Variants in THBD observed in about 807,000 individuals in gnomAD.
The protein encoded by THBD is CD141 antigen.
For missense variants in THBD, 850 were observed against 816.9 expected, an observed-to-expected ratio of 1.04 and a Z score of -0.49; for synonymous variants, 449 against 374.2, an observed-to-expected ratio of 1.20 and a Z score of -2.31.
At position 23,049,317 on chromosome 20, in the gene THBD, C is replaced by G; in HGVS notation, c.188G>C (p.Arg63Pro). 6.3e-7 allele frequency: 1 copy of G among 1,599,558 alleles called. No homozygotes were observed. Among genetic ancestry groups the G allele is most frequent in the Non-Finnish European group, 8.5e-7 (1 of 1,174,608 alleles). Residue 63 changes from arginine to proline, a missense_variant, in exon 1 of 1, where the codon CGC (arginine) becomes CCC (proline). Transcript: ENST00000377103. ...DGLRGHLMTV[R>P]SSVAADVISL... ...AATGACATCGGCAGCCACCGAGGAG[C>G]GCACTGTCATTAGGTGGCCCCGCAG...
At position 23,048,413 on chromosome 20, in the gene THBD, C is replaced by G. The variant is rs73901577; in HGVS notation, c.1092G>C (p.Glu364Asp). ...NYDLVDGECVEPVDPCFRANC... is the reference protein window; with the variant it reads ...NYDLVDGECVDPVDPCFRANC... ...TGGCTCTGAAGCACGGGTCCACGGG[C>G]TCCACACACTCGCCGTCCACCAGGT... is the stretch of plus-strand genomic sequence containing the variant. The change falls in exon 1 of 1, where the codon GAG becomes GAC. Residue 364 changes from glutamate (E) to aspartate (D), a missense_variant. Coordinates refer to ENST00000377103, the MANE Select transcript of THBD (RefSeq NM_000361.3). 1 of 1,613,846 alleles carries G rather than the reference C, an allele frequency of 6.2e-7. No individual in the cohort carries two copies. The highest frequency in any genetic ancestry group is 1.3e-5 in the African/African-American group (1 of 74,916).
chr20:23,045,900 A>G lies in THBD; in HGVS notation c.*1877T>C, dbSNP rs1239057300. ...GTGCTGGGGTACAGGGCAGCCCTCCATGCATCTCATAGCATTTGCATGGTT... is the reference window on the plus strand; with the variant it reads ...GTGCTGGGGTACAGGGCAGCCCTCCGTGCATCTCATAGCATTTGCATGGTT... On this transcript the variant is annotated 3_prime_UTR_variant, in exon 1 of 1. Transcript: ENST00000377103. 1 of 152,212 alleles carries G rather than the reference A, an allele frequency of 6.6e-6. No individual in the cohort carries two copies. Among genetic ancestry groups the G allele is most frequent in the Admixed American group, 6.5e-5 (1 of 15,286 alleles). 9.4% of individuals were successfully genotyped at this position (152,212 alleles called of 1,614,324 possible).
In THBD at chr20:23,049,505, G is replaced by T; in HGVS notation, c.-1C>A. ...CGCCAAGGACCAGGACCCCAAGCAT[G>T]TTACCCAGGCGCGCCGCGTGCAGGC... On this transcript the variant is annotated 5_prime_UTR_variant, in exon 1 of 1. Transcript: ENST00000377103. The T allele has an allele frequency of 6.5e-7, 1 of 1,532,912 alleles. No homozygotes were observed. 95.0% of individuals were successfully genotyped at this position (1,532,912 alleles called of 1,614,324 possible).
In THBD at chr20:23,048,358, G is replaced by T. The variant is rs1238755005; in HGVS notation, c.1147C>A (p.Gln383Lys). The T allele has an allele frequency of 1.9e-6, 3 of 1,613,882 alleles. No individual in the cohort carries two copies. The highest frequency in any genetic ancestry group is 1.3e-5 in the African/African-American group (1 of 74,936). ...NCEYQCQPLNQTSYLCVCAEG... is the reference protein window; with the variant it reads ...NCEYQCQPLNKTSYLCVCAEG... ...GCGCAGACGCAGAGGTAGCTAGTTT[G>T]GTTCAGGGGCTGGCACTGGTACTCG... is the stretch of plus-strand genomic sequence containing the variant. Residue 383 changes from glutamine (Q) to lysine (K), a missense_variant, in exon 1 of 1, where the codon CAA (glutamine) becomes AAA (lysine). Transcript: ENST00000377103.
rs1428123748 is a variant in THBD at position 23,049,478 on chromosome 20, C to A, written c.27G>T (p.Ala9=). 3 of 1,541,436 alleles carry A rather than the reference C, an allele frequency of 1.9e-6. No homozygotes were observed. The highest frequency in any genetic ancestry group is 2.5e-5 in the East Asian group (1 of 40,808). MLGVLVLG[A]LALAGLGFPA... is the part of the protein sequence containing the mutation. ...GGAACCCCAGGCCGGCCAGGGCCAG[C>A]GCGCCAAGGACCAGGACCCCAAGCA... is the stretch of plus-strand genomic sequence containing the variant. The change falls in exon 1 of 1, where the codon GCG becomes GCT. Residue 9 remains alanine, a synonymous_variant. Transcript: ENST00000377103.
In THBD at chr20:23,049,554, G is replaced by A. The variant is rs1266982328; in HGVS notation, c.-50C>T. On this transcript the variant is annotated 5_prime_UTR_variant, in exon 1 of 1. Transcript: ENST00000377103. ...GCGCCGGGGAAAGCGCGGGCACTGC[G>A]ACAGGGCCGTGCCGGAGCAGAGGGG... is the stretch of plus-strand genomic sequence containing the variant. 5 of 1,536,636 alleles carry A rather than the reference G, an allele frequency of 3.3e-6. No homozygotes were observed. Among genetic ancestry groups the A allele is most frequent in the Admixed American group, 2.0e-5 (1 of 50,426 alleles).
chr20:23,047,820 A>G lies in THBD; in HGVS notation c.1685T>C (p.Val562Ala). The G allele has an allele frequency of 1.3e-6, 2 of 1,599,236 alleles. No homozygotes were observed. The highest frequency in any genetic ancestry group is 1.7e-6 in the Non-Finnish European group (2 of 1,173,340). The change falls in exon 1 of 1, where the codon GTG (valine) becomes GCG (alanine). Residue 562 changes from valine to alanine, a missense_variant. Val to Ala is a moderately conservative substitution (Grantham distance 64). Transcript: ENST00000377103. ...CCGCTCGGTCCGCACGTGCTGCAGCACTACCTCCTTGGAAGGGGCCGCGCA... is the reference window on the plus strand; with the variant it reads ...CCGCTCGGTCCGCACGTGCTGCAGCGCTACCTCCTTGGAAGGGGCCGCGCA... The part of the protein sequence containing the change: ...YKCAAPSKEV[V>A]LQHVRTERTP...
In THBD at chr20:23,046,978, A is replaced by C. The variant is rs1442850992; in HGVS notation, c.*799T>G. ...TTTCTATGACAGTCCAGCAACATCAATTTAATACCTTTTACATCTCAACCT... is the reference window on the plus strand; with the variant it reads ...TTTCTATGACAGTCCAGCAACATCACTTTAATACCTTTTACATCTCAACCT... On this transcript the variant is annotated 3_prime_UTR_variant, in exon 1 of 1. Coordinates refer to ENST00000377103, the MANE Select transcript of THBD (RefSeq NM_000361.3). 1 of 152,250 alleles carries C rather than the reference A, an allele frequency of 6.6e-6. No individual in the cohort carries two copies. Among genetic ancestry groups the C allele is most frequent in the Non-Finnish European group, 1.5e-5 (1 of 68,040 alleles). 9.4% of individuals were successfully genotyped at this position (152,250 alleles called of 1,614,324 possible).
In THBD at chr20:23,046,361, A is replaced by G. The variant is rs762331942; in HGVS notation, c.*1416T>C. 1 of 152,262 alleles carries G rather than the reference A, an allele frequency of 6.6e-6. No individual in the cohort carries two copies. Among genetic ancestry groups the G allele is most frequent in the Non-Finnish European group, 1.5e-5 (1 of 68,030 alleles). The allele number at this position is 152,262 out of a possible 1,614,324, so 9.4% of individuals were successfully genotyped here. ...CTTATAACTGATCTATATTTCATGT[A>G]TTCCAGAAAATTGGAAGCAGTCTGG... On this transcript the variant is annotated 3_prime_UTR_variant, in exon 1 of 1. Transcript: ENST00000377103.
rs779024516 is a variant in THBD, at chr20:23,049,253, C to A, written c.252G>T (p.Arg84=). 1.3e-6 allele frequency: 2 copies of A among 1,544,754 alleles called. No homozygotes were observed. Among genetic ancestry groups the A allele is most frequent in the Non-Finnish European group, 1.7e-6 (2 of 1,147,984 alleles). ...LLNGDGGVGR[R]RLWIGLQLPP... ...GCAGCTGCAGGCCGATCCAGAGGCG[C>A]CGGCGGCCAACGCCGCCGTCGCCGT... is the stretch of plus-strand genomic sequence containing the variant. The change falls in exon 1 of 1, where the codon CGG becomes CGT. Residue 84 remains arginine (R), a synonymous_variant. Coordinates refer to ENST00000377103, the MANE Select transcript of THBD (RefSeq NM_000361.3).
In THBD at chr20:23,048,740, C is replaced by T; in HGVS notation, c.765G>A (p.Ala255=). ...GGGGAGCCCCAGGGATCGCATTGCACGCGTGCTCGCAGCCGCCGTTCTCCA... is the reference window on the plus strand; with the variant it reads ...GGGGAGCCCCAGGGATCGCATTGCATGCGTGCTCGCAGCCGCCGTTCTCCA... The part of the protein sequence containing the change: ...CSVENGGCEH[A]CNAIPGAPRC... The change falls in exon 1 of 1, where the codon GCG becomes GCA. Residue 255 remains alanine, a synonymous_variant. Coordinates refer to ENST00000377103, the MANE Select transcript of THBD (RefSeq NM_000361.3). The T allele has an allele frequency of 6.4e-7, 1 of 1,570,632 alleles. No homozygotes were observed. The highest frequency in any genetic ancestry group is 1.1e-5 in the South Asian group (1 of 87,660).
rs1984665573 is a variant in THBD at position 23,049,065 on chromosome 20, ACAGTGGCCT to A, written c.431_439del (p.Glu144_Thr146del). The A allele has an allele frequency of 5.1e-6, 8 of 1,569,410 alleles. No homozygotes were observed. The African/African-American group carries it at 1.1e-4, about 21-fold the overall frequency. ...CTCCTCCCAGATCGGCTCGCTGGGC[ACAGTGGCCT>A]CAGCAGCGGAGACAGCGACGCACAA... On this transcript the variant is annotated inframe_deletion, in exon 1 of 1. Transcript: ENST00000377103.
At position 23,048,475 on chromosome 20, in the gene THBD, G is replaced by A. The variant is rs376845574; in HGVS notation, c.1030C>T (p.Gln344Ter). Residue 344 changes from glutamine (Q) to a stop codon, truncating the protein, a stop_gained, in exon 1 of 1, where the codon CAG (glutamine) becomes TAG (stop). Transcript: ENST00000377103. LOFTEE classifies it low-confidence loss of function (END_TRUNC). ...SPCPQRCVNT[Q>*]GGFECHCYPN... ...TAGCAGTGGCACTCGAAGCCACCCT[G>A]TGTGTTGACACAGCGCTGCGGACAC... is the stretch of plus-strand genomic sequence containing the variant. 1.9e-6 allele frequency: 3 copies of A among 1,612,278 alleles called. No individual in the cohort carries two copies. The African/African-American group carries it at 4.0e-5, about 22-fold the overall frequency.
Position 23,048,584 on chromosome 20 carries a change from C to A in THBD, c.921G>T (p.Ser307=), listed in dbSNP as rs544488425. 1.1e-5 allele frequency: 18 copies of A among 1,599,680 alleles called. 1 individual carries two copies. In the South Asian group the frequency reaches 1.8e-4, roughly 16 times the overall value. ...VPNPDQPGSY[S]CMCETGYRLA... is the part of the protein sequence containing the mutation. Reference sequence around the variant, plus strand: ...GCCGGTAGCCGGTCTCGCACATGCACGAGTAGGAGCCCGGCTGGTCGGGGT... The same window carrying A: ...GCCGGTAGCCGGTCTCGCACATGCAAGAGTAGGAGCCCGGCTGGTCGGGGT... The change falls in exon 1 of 1, where the codon TCG becomes TCT. Residue 307 remains serine (S), a synonymous_variant. Coordinates refer to ENST00000377103, the MANE Select transcript of THBD (RefSeq NM_000361.3).
Position 23,049,117 on chromosome 20 carries a change from C to T in THBD, c.388G>A (p.Ala130Thr). 1.3e-6 allele frequency: 2 copies of T among 1,593,764 alleles called. No homozygotes were observed. The highest frequency in any genetic ancestry group is 2.3e-5 in the South Asian group (2 of 87,666). The change falls in exon 1 of 1, where the codon GCT becomes ACT. Residue 130 changes from alanine (A) to threonine (T), a missense_variant. Ala to Thr is a moderately conservative substitution (Grantham distance 58, BLOSUM62 0). Coordinates refer to ENST00000377103, the MANE Select transcript of THBD (RefSeq NM_000361.3). ...ACGCACAACGGGCCGCAGAGGGGAG[C>T]CCCATTGAGGTCGAGCCGTGCCCAC... is the stretch of plus-strand genomic sequence containing the variant. ...SRWARLDLNG[A>T]PLCGPLCVAV...
Position 23,048,446 on chromosome 20 carries a change from A to C in THBD, c.1059T>G (p.Pro353=). ...TQGGFECHCY[P]NYDLVDGECV... Reference sequence around the variant, plus strand: ...ACTCGCCGTCCACCAGGTCGTAGTTAGGGTAGCAGTGGCACTCGAAGCCAC... The same window carrying C: ...ACTCGCCGTCCACCAGGTCGTAGTTCGGGTAGCAGTGGCACTCGAAGCCAC... The change falls in exon 1 of 1, where the codon CCT becomes CCG. Residue 353 remains proline, a synonymous_variant. Coordinates refer to ENST00000377103, the MANE Select transcript of THBD (RefSeq NM_000361.3). The C allele has an allele frequency of 6.2e-7, 1 of 1,613,708 alleles. No homozygotes were observed. Among genetic ancestry groups the C allele is most frequent in the Non-Finnish European group, 8.5e-7 (1 of 1,180,012 alleles).
In THBD at chr20:23,046,215, C is replaced by A. The variant is rs183647515; in HGVS notation, c.*1562G>T. 667 of 152,750 alleles carry A rather than the reference C, an allele frequency of 4.4e-3. 1 individual carries two copies. Among genetic ancestry groups the A allele is most frequent in the Non-Finnish European group, 7.5e-3 (508 of 68,024 alleles). The allele number at this position is 152,750 out of a possible 1,614,324, so 9.5% of individuals were successfully genotyped here. Reference sequence around the variant, plus strand: ...ATTCCTAGCTTAGCTGAACCAAAGACCTTGCAGACCCTGTGTGGCAGTGTC... The same window carrying A: ...ATTCCTAGCTTAGCTGAACCAAAGAACTTGCAGACCCTGTGTGGCAGTGTC... On this transcript the variant is annotated 3_prime_UTR_variant, in exon 1 of 1. Coordinates refer to ENST00000377103, the MANE Select transcript of THBD (RefSeq NM_000361.3).
chr20:23,049,157 G>A lies in THBD; in HGVS notation c.348C>T (p.Asn116=), dbSNP rs1182560312. 2 of 1,585,252 alleles carry A rather than the reference G, an allele frequency of 1.3e-6. No individual in the cohort carries two copies. The highest frequency in any genetic ancestry group is 1.3e-5 in the African/African-American group (1 of 74,846). The change falls in exon 1 of 1, where the codon AAC becomes AAT. Residue 116 remains asparagine, a synonymous_variant. Coordinates refer to ENST00000377103, the MANE Select transcript of THBD (RefSeq NM_000361.3). ...RGFQWVTGDN[N]TSYSRWARLD... Reference sequence around the variant, plus strand: ...GCCGTGCCCACCTGCTATAGCTGGTGTTGTTGTCTCCCGTAACCCACTGGA... The same window carrying A: ...GCCGTGCCCACCTGCTATAGCTGGTATTGTTGTCTCCCGTAACCCACTGGA...
rs1212422162 is a variant in THBD at position 23,048,587 on chromosome 20, G to A, written c.918C>T (p.Tyr306=). The A allele has an allele frequency of 1.9e-6, 3 of 1,599,496 alleles. No homozygotes were observed. The highest frequency in any genetic ancestry group is 2.5e-6 in the Non-Finnish European group (3 of 1,179,724). Residue 306 remains tyrosine (Y), a synonymous_variant, in exon 1 of 1, where the codon TAC becomes TAT. Transcript: ENST00000377103. ...GGTAGCCGGTCTCGCACATGCACGA[G>A]TAGGAGCCCGGCTGGTCGGGGTTGG... The part of the protein sequence containing the change: ...CVPNPDQPGS[Y]SCMCETGYRL...
Sources: allele counts gnomAD v4.1 joint callset, GRCh38; gene constraint gnomAD v4.1.1; transcripts MANE v1.5; gene names NCBI Gene and HGNC (gene_info 2026-07-23, HGNC 2026-07-21).